Variants in NUP37 observed in about 807,000 individuals in gnomAD.
The protein encoded by NUP37 is nucleoporin 37, also known as nucleoporin Nup37.
In NUP37, 33 loss-of-function variants were observed where a neutral mutation model predicts 45.4. The ratio of observed to expected loss-of-function variants is 0.73; its 90% CI spans 0.55 to 0.97. The LOEUF is 0.97. NUP37 is among the 50% of genes least tolerant of loss of function. The pLI, the probability that NUP37 is intolerant of heterozygous loss-of-function variation, is 0.00. For missense variants in NUP37, 365 were observed against 389.7 expected (o/e 0.94, Z 0.53); for synonymous variants, 127 against 130.7 (o/e 0.97, Z 0.19).
At position 102,120,083 on chromosome 12, in the gene NUP37, G is replaced by T; in HGVS notation, c.-99C>A. On this transcript the variant is annotated 5_prime_UTR_variant, in exon 1 of 10. Transcript: ENST00000552283. ...GCCAGGAACCGACCAGAGGCAGGCT[G>T]GTCTTCCTTGGGGGCTGCCGCGACG... 6.3e-6 allele frequency: 1 copy of T among 159,954 alleles called. No homozygotes were observed. The highest frequency in any genetic ancestry group is 1.5e-4 in the South Asian group (1 of 6,858). The allele number at this position is 159,954 out of a possible 1,614,324, so 9.9% of individuals were successfully genotyped here.
chr12:102,109,259 G>A (rs1490076786), intron 3 of NUP37, among the ~76,000 whole-genome samples: 1 of 152,162 alleles, frequency 6.6e-6, no homozygotes, highest in East Asian at 1.9e-4. Flanking sequence ...CAGGGAGAAA[G>A]AGAATTTAAG....
At chr12:102,077,619 T>G in intron 6 of NUP37, 116 bp from the exon 7 acceptor site, 9 of 995,346 alleles carry the variant, frequency 9.0e-6, no homozygotes, top group Non-Finnish European at 1.2e-5. Context: ...ATATACAGGT[T>G]CAGCATTCCT....
rs373402930 is a variant in NUP37, at chr12:102,075,204, CT to C, written c.774-111del. ...TTTCTTTTTTTTTAAGAGACAGGGT[CT>C]TGCTCTGTCACCCAGGCTGGAGTGC... On this transcript the variant is annotated intron_variant, in intron 8 of 9. Transcript: ENST00000552283. The C allele has an allele frequency of 3.2e-5, 20 of 617,622 alleles. No individual in the cohort carries two copies. In the East Asian group the frequency reaches 6.0e-4, roughly 19 times the overall value. 38.3% of individuals were successfully genotyped at this position (617,622 alleles called of 1,614,324 possible).
chr12:102,081,399 A>G (rs1879329402), intron 6 of NUP37, among the ~76,000 whole-genome samples: 1 of 152,140 alleles, frequency 6.6e-6, no homozygotes, highest in Non-Finnish European at 1.5e-5. Context: ...CTACAGGGGG[A>G]ATTTTTCCTT....
At chr12:102,094,397 A>G (rs1565832535) in intron 5 of NUP37, among the ~76,000 whole-genome samples, 1 of 152,080 alleles carries the variant, frequency 6.6e-6, no homozygotes, top group Non-Finnish European at 1.5e-5. Flanking sequence ...ATTACTTTCC[A>G]AAGAATGGTT....
intron 3 of NUP37, among the ~76,000 whole-genome samples, chr12:102,110,890 T>C (rs1157588388): frequency 6.6e-6 from 1 of 152,100 alleles, no homozygotes; most frequent in Non-Finnish European, 1.5e-5. Context: ...CACCCTTAGA[T>C]TATTGGGGAA....
At chr12:102,098,438 C>T (rs2136737271) in intron 5 of NUP37, among the ~76,000 whole-genome samples, 1 of 152,246 alleles carries the variant, frequency 6.6e-6, no homozygotes, top group Middle Eastern at 3.4e-3. Context: ...TTATTCCACA[C>T]AAACTTATCA....
intron 2 of NUP37, among the ~76,000 whole-genome samples, chr12:102,113,531 A>G (rs1880374529): frequency 6.6e-6 from 1 of 152,230 alleles, no homozygotes; most frequent in Non-Finnish European, 1.5e-5. Flanking sequence ...TAAAAAAGAA[A>G]ATGATAAAAA....
intron 7 of NUP37, 84 bp downstream of exon 7, chr12:102,077,238 T>C (rs766575802): frequency 7.3e-7 from 1 of 1,365,884 alleles, no homozygotes; most frequent in Non-Finnish European, 1.0e-6. Context: ...TAGTCTCAGG[T>C]ATAACAGGAT....
chr12:102,105,215 A>G (rs1880100506), intron 3 of NUP37, among the ~76,000 whole-genome samples: 1 of 152,164 alleles, frequency 6.6e-6, no homozygotes, highest in Non-Finnish European at 1.5e-5. Context: ...GCACCTCTAT[A>G]TATTTATACA....
In NUP37 at chr12:102,074,318, A is replaced by C. The variant is rs186104441; in HGVS notation, c.*36T>G. 9.2e-6 allele frequency: 12 copies of C among 1,298,276 alleles called. No individual in the cohort carries two copies. In the Admixed American group the frequency reaches 2.3e-4, roughly 25 times the overall value. The allele number at this position is 1,298,276 out of a possible 1,614,324, so 80.4% of individuals were successfully genotyped here. On this transcript the variant is annotated 3_prime_UTR_variant, in exon 10 of 10. Transcript: ENST00000552283. The stretch of plus-strand genomic sequence containing the variant: ...AAATTCTTCAAAATATGTACTAAAA[A>C]TACAAAGTTTGTGAATCTAAGGTAC...
intron 2 of NUP37, among the ~76,000 whole-genome samples, chr12:102,112,439 T>C (rs1880343996): frequency 6.6e-6 from 1 of 152,198 alleles, no homozygotes; most frequent in Non-Finnish European, 1.5e-5. Context: ...CTAAGGCAAC[T>C]AGAAACAAAT....
At chr12:102,118,629 T>C (rs1880565281) in intron 1 of NUP37, 46 bp from the exon 2 acceptor site, 1 of 927,702 alleles carries the variant, frequency 1.1e-6, no homozygotes, top group Non-Finnish European at 1.6e-6. Flanking sequence ...AATATGTTAG[T>C]CATTCAGCAA....
chr12:102,106,710 C>CA (rs908151995), intron 3 of NUP37, among the ~76,000 whole-genome samples: 10 of 151,432 alleles, frequency 6.6e-5, no homozygotes, highest in Admixed American at 1.3e-4. Context: ...TGGCAAAAAG[C>CA]AAAAAAAACC....
intron 5 of NUP37, among the ~76,000 whole-genome samples, chr12:102,086,736 G>A (rs1453774934): frequency 2.0e-5 from 3 of 152,164 alleles, no homozygotes; most frequent in South Asian, 2.1e-4. Flanking sequence ...GAGTACAGCC[G>A]GTGACAGAAC....
chr12:102,107,460 G>T (rs768215388), intron 3 of NUP37, among the ~76,000 whole-genome samples: 2 of 152,242 alleles, frequency 1.3e-5, no homozygotes, highest in African/African-American at 2.4e-5. Flanking sequence ...AAAAGGAGGC[G>T]AAAGAAAAGG....
At chr12:102,103,407 G>C (rs1303410990) in intron 3 of NUP37, among the ~76,000 whole-genome samples, 1 of 152,028 alleles carries the variant, frequency 6.6e-6, no homozygotes, top group Non-Finnish European at 1.5e-5. Context: ...TAGTATATTA[G>C]AAAGGTTACT....
At chr12:102,106,338 T>G (rs577516029) in intron 3 of NUP37, among the ~76,000 whole-genome samples, 1 of 152,370 alleles carries the variant, frequency 6.6e-6, no homozygotes, top group East Asian at 1.9e-4. Flanking sequence ...TATGACTGTT[T>G]CATTAAATTG....
intron 6 of NUP37, 27 bp from the exon 7 acceptor site, chr12:102,077,530 C>T: frequency 6.3e-7 from 1 of 1,591,068 alleles, no homozygotes; most frequent in Admixed American, 1.7e-5. Context: ...TAAAAAGAAA[C>T]TCAATCACTT....
Sources: gnomAD v4.1 joint callset for allele counts (sites outside exome capture counted in the v4.1 genomes callset) on GRCh38, gnomAD v4.1.1 for gene constraint, MANE v1.5 for transcripts, NCBI Gene and HGNC (gene_info 2026-07-23, HGNC 2026-07-21) for gene names.